The following LRRC7 variants were observed in gnomAD, a reference collection of about 807,000 sequenced individuals.
LRRC7 encodes leucine rich repeat containing 7, also known as leucine-rich repeat-containing protein 7.
LRRC7 carries 23 observed loss-of-function variants against 175.7 expected under a neutral mutation model. The ratio of observed to expected loss-of-function variants is 0.13; its 90% CI spans 0.09 to 0.19. The LOEUF is 0.19. Among genes scored for constraint, LRRC7 ranks in the 10% least tolerant of loss-of-function variants. The pLI is 1.00. For synonymous variants in LRRC7, 685 were observed against 680.9 expected (o/e 1.01, Z -0.09); for missense variants, 1,354 against 1,904.7 (o/e 0.71, Z 5.38).
At chr1:69,991,487 G>T (rs987228887) in intron 10 of LRRC7, among the ~76,000 whole-genome samples, 2 of 152,086 alleles carry the variant, frequency 1.3e-5, no homozygotes, top group Non-Finnish European at 2.9e-5. Context: ...CTGCAGAGTT[G>T]CCACAGTCCC....
At chr1:69,820,889 G>A (rs1010175785) in intron 4 of LRRC7, among the ~76,000 whole-genome samples, 7 of 152,178 alleles carry the variant, frequency 4.6e-5, no homozygotes, top group African/African-American at 1.4e-4. Context: ...TAATGGGATT[G>A]CTGGGTCAAA....
chr1:69,975,861 T>C (rs914493985), intron 8 of LRRC7, among the ~76,000 whole-genome samples: 1 of 151,614 alleles, frequency 6.6e-6, no homozygotes, highest in Admixed American at 6.6e-5. Flanking sequence ...GCTGTCAATC[T>C]CCTCTTCATT....
intron 1 of LRRC7, among the ~76,000 whole-genome samples, chr1:69,614,117 C>A (rs1649239099): frequency 6.6e-6 from 1 of 151,946 alleles, no homozygotes; most frequent in African/African-American, 2.4e-5. Flanking sequence ...GCCTACTTTT[C>A]ATTTCATGTT....
Position 70,135,343 on chromosome 1 carries a change from G to A in LRRC7, c.*13456G>A, listed in dbSNP as rs4650029. On this transcript the variant is annotated 3_prime_UTR_variant, in exon 27 of 27. Coordinates refer to ENST00000651989, the MANE Select transcript of LRRC7 (RefSeq NM_001370785.2). ...TCTTTTCACTTTTTTACCCATCTCC[G>A]TGCCATACTGTAGAACAAACATCAT... is the stretch of plus-strand genomic sequence containing the variant. 0.17 allele frequency among the ~76,000 whole-genome samples: 25,512 copies of A among 151,934 alleles called. 2,693 individuals are homozygous for A. The highest frequency in any genetic ancestry group is 0.22 in the Non-Finnish European group (15,262 of 67,932).
chr1:70,080,653 T>C (rs1245620521), intron 24 of LRRC7, among the ~76,000 whole-genome samples: 1 of 152,230 alleles, frequency 6.6e-6, no homozygotes, highest in Non-Finnish European at 1.5e-5. Context: ...ATTCAGTGTA[T>C]TAATTTCTGT....
At chr1:70,074,456 A>G (rs1053573140) in intron 23 of LRRC7, among the ~76,000 whole-genome samples, 6 of 152,242 alleles carry the variant, frequency 3.9e-5, no homozygotes, top group African/African-American at 1.4e-4. Context: ...AATAGATACA[A>G]TAGAGAAATA....
intron 1 of LRRC7, among the ~76,000 whole-genome samples, chr1:69,595,605 C>T (rs1266724954): frequency 2.7e-5 from 3 of 109,880 alleles, no homozygotes; most frequent in Non-Finnish European, 6.5e-5. Flanking sequence ...ACTTTACAAC[C>T]TTACTTTCCC....
intron 8 of LRRC7, among the ~76,000 whole-genome samples, chr1:69,936,431 A>G (rs987709901): frequency 6.6e-6 from 1 of 152,206 alleles, no homozygotes; most frequent in Non-Finnish European, 1.5e-5. Flanking sequence ...TCTGAGTTTT[A>G]TAATTTTCTT....
chr1:70,018,877 A>G, intron 15 of LRRC7, 59 bp downstream of exon 15: 1 of 1,310,846 alleles, frequency 7.6e-7, no homozygotes, highest in South Asian at 1.2e-5. Context: ...GAAATAACTA[A>G]TTTTATTCAG....
chr1:69,738,498 A>G (rs1668364426), intron 2 of LRRC7, among the ~76,000 whole-genome samples: 1 of 152,012 alleles, frequency 6.6e-6, no homozygotes, highest in Non-Finnish European at 1.5e-5. Context: ...ATCTTATAAA[A>G]TTGAAACTTG....
chr1:69,875,581 T>C (rs1685967647), intron 7 of LRRC7, among the ~76,000 whole-genome samples: 1 of 152,062 alleles, frequency 6.6e-6, no homozygotes, highest in Non-Finnish European at 1.5e-5. Flanking sequence ...TCATAAGTGA[T>C]TGTAAATTCA....
Position 70,126,113 on chromosome 1 carries a change from C to T in LRRC7, c.*4226C>T, listed in dbSNP as rs961345299. Among the ~76,000 whole-genome samples the T allele has an allele frequency of 1.3e-5, 2 of 151,934 alleles. No homozygotes were observed. Among genetic ancestry groups the T allele is most frequent in the Admixed American group, 6.6e-5 (1 of 15,246 alleles). ...CAATTTCTACCCCTCATTAGCACAC[C>T]GATCAAATATGTCTGATGAATACAT... On this transcript the variant is annotated 3_prime_UTR_variant, in exon 27 of 27. Transcript: ENST00000651989.
intron 2 of LRRC7, chr1:69,716,154 TG>T (rs1665324193): frequency 1.1e-5 from 5 of 437,030 alleles, no homozygotes; most frequent in South Asian, 7.8e-5. Flanking sequence ...GCCCGCTACA[TG>T]AAAAAAAATG....
chr1:69,840,692 T>G (rs780948553), intron 7 of LRRC7, among the ~76,000 whole-genome samples: 8 of 152,054 alleles, frequency 5.3e-5, no homozygotes, highest in Non-Finnish European at 1.0e-4. Flanking sequence ...CTTATAATGT[T>G]TATGATCATT....
At chr1:69,820,310 A>G (rs1290381526) in intron 4 of LRRC7, among the ~76,000 whole-genome samples, 1 of 152,182 alleles carries the variant, frequency 6.6e-6, no homozygotes, top group Admixed American at 6.6e-5. Context: ...TCACTTATAA[A>G]AAATCCACAC....
chr1:70,064,733 C>T (rs1478127951), intron 23 of LRRC7, among the ~76,000 whole-genome samples: 1 of 151,666 alleles, frequency 6.6e-6, no homozygotes, highest in Non-Finnish European at 1.5e-5. Context: ...TTTTAGTCCT[C>T]TTCAATTTGT....
chr1:69,930,133 T>C (rs1323013814), intron 7 of LRRC7, among the ~76,000 whole-genome samples: 1 of 152,160 alleles, frequency 6.6e-6, no homozygotes, highest in Non-Finnish European at 1.5e-5. Flanking sequence ...TAATATGTTA[T>C]TTTATTTTAT....
At chr1:70,097,135 T>G (rs1047724775) in intron 25 of LRRC7, among the ~76,000 whole-genome samples, 1 of 152,208 alleles carries the variant, frequency 6.6e-6, no homozygotes, top group African/African-American at 2.4e-5. Flanking sequence ...AGACTAAATA[T>G]GATTCCCCCA....
At chr1:69,892,960 G>C (rs11579093) in intron 7 of LRRC7, among the ~76,000 whole-genome samples, 62,520 of 151,922 alleles carry the variant, frequency 0.41, 13,635 homozygotes, top group East Asian at 0.55. Flanking sequence ...TTACCTCCAA[G>C]GCACTTGATT....
Sources: allele counts gnomAD v4.1 joint callset (sites outside exome capture counted in the v4.1 genomes callset), GRCh38; gene constraint gnomAD v4.1.1; transcripts MANE v1.5; gene names NCBI Gene and HGNC (gene_info 2026-07-23, HGNC 2026-07-21).